The following ANKRD12 variants were observed in gnomAD, a reference collection of about 807,000 sequenced individuals.
ANKRD12 encodes the protein ankyrin repeat domain 12, also known as ankyrin repeat domain-containing protein 12.
Under a neutral mutation model 183.4 loss-of-function variants are expected in ANKRD12, and 85 were observed. That is an observed-to-expected ratio of 0.46 (90% CI 0.39 to 0.56). The LOEUF (loss-of-function observed/expected upper bound fraction) is 0.56. Ranked by LOEUF, ANKRD12 falls within the 20% of genes least tolerant of loss-of-function variation. The pLI is 0.00. For missense variants in ANKRD12, 2,405 were observed against 2,357.1 expected, an observed-to-expected ratio of 1.02 and a Z score of -0.42; for synonymous variants, 914 against 800.2, an observed-to-expected ratio of 1.14 and a Z score of -2.40.
Position 9,185,499 on chromosome 18 carries a change from G to C in ANKRD12, c.87+2980G>C, listed in dbSNP as rs577356198. Among the ~76,000 whole-genome samples, 6 of 152,314 alleles carry C rather than the reference G, an allele frequency of 3.9e-5. No homozygotes were observed. In the South Asian group the frequency reaches 1.2e-3, roughly 32 times the overall value. ...TTCAAGAGAAAGAACAGGTTGTTTT[G>C]AATAAGTTTGCTTTGTACTTGCTGA... On this transcript the variant is annotated intron_variant, in intron 2 of 12. Transcript: ENST00000262126.
chr18:9,235,013 T>C (rs2037263774), intron 8 of ANKRD12, among the ~76,000 whole-genome samples: 1 of 152,208 alleles, frequency 6.6e-6, no homozygotes, highest in Non-Finnish European at 1.5e-5. Context: ...CTGTGACTTC[T>C]CTGTTGGACT....
chr18:9,202,905 C>T (rs2144527969), intron 3 of ANKRD12, among the ~76,000 whole-genome samples: 1 of 152,254 alleles, frequency 6.6e-6, no homozygotes, highest in South Asian at 2.1e-4. Flanking sequence ...AGAGTGGTTG[C>T]TTACTTCCAA....
chr18:9,252,260 G>A (rs114779731), intron 8 of ANKRD12, among the ~76,000 whole-genome samples: 2,681 of 152,296 alleles, frequency 0.018, 80 homozygotes, highest in African/African-American at 0.061. Flanking sequence ...GTAAAGAAAG[G>A]GAAGTGGTCT....
intron 10 of ANKRD12, among the ~76,000 whole-genome samples, chr18:9,269,298 C>G (rs1442549602): frequency 2.6e-5 from 4 of 152,092 alleles, no homozygotes; most frequent in African/African-American, 4.8e-5. Context: ...CCAAAAAAGA[C>G]CTCGCATTGC....
At position 9,182,407 on chromosome 18, in the gene ANKRD12, G is replaced by A; in HGVS notation, c.-26G>A. 1 of 1,526,224 alleles carries A rather than the reference G, an allele frequency of 6.6e-7. No homozygotes were observed. Among genetic ancestry groups the A allele is most frequent in the Non-Finnish European group, 9.0e-7 (1 of 1,109,430 alleles). The allele number at this position is 1,526,224 out of a possible 1,614,324, so 94.5% of individuals were successfully genotyped here. A position where few individuals can be genotyped will look rare whatever the true frequency, so the allele number is the denominator to read the frequency against. On this transcript the variant is annotated 5_prime_UTR_variant, in exon 2 of 13. Coordinates refer to ENST00000262126, the MANE Select transcript of ANKRD12 (RefSeq NM_015208.5). ...ATCCAGGATGAGAAGACTGATAAAA[G>A]AAGAAGCTAGCTGAACAGCTGTAAA...
chr18:9,248,659 G>A (rs2145095472), intron 8 of ANKRD12, among the ~76,000 whole-genome samples: 1 of 152,288 alleles, frequency 6.6e-6, no homozygotes, highest in South Asian at 2.1e-4. Flanking sequence ...TGGTTCCATT[G>A]TATAAAATAA....
intron 9 of ANKRD12, chr18:9,259,818 C>T (rs533586894): frequency 1.2e-4 from 19 of 152,194 alleles, no homozygotes; most frequent in Non-Finnish European, 2.6e-4. Context: ...ATTCATTTCC[C>T]ATCTCTGATC....
chr18:9,258,702 C>A lies in ANKRD12; in HGVS notation c.5435C>A (p.Ser1812Tyr). The change falls in exon 9 of 13, where the codon TCT becomes TAT. Residue 1812 changes from serine to tyrosine, a missense_variant. Coordinates refer to ENST00000262126, the MANE Select transcript of ANKRD12 (RefSeq NM_015208.5). The part of the protein sequence containing the change: ...LLQAKEKTQQ[S>Y]LAAIVDSLKL... ...CAAGCAAAAGAGAAAACTCAGCAAT[C>A]TCTGGCAGCCATTGTAGATTCTCTA... 1 of 1,613,884 alleles carries A rather than the reference C, an allele frequency of 6.2e-7. No individual in the cohort carries two copies. The highest frequency in any genetic ancestry group is 1.1e-5 in the South Asian group (1 of 91,068).
At chr18:9,268,502 CA>C (rs1175536563) in intron 10 of ANKRD12, among the ~76,000 whole-genome samples, 1 of 152,186 alleles carries the variant, frequency 6.6e-6, no homozygotes, top group Non-Finnish European at 1.5e-5. Flanking sequence ...AGCATATAAA[CA>C]AAACCAAAGA....
In ANKRD12 at chr18:9,272,785, C is replaced by G. The variant is rs535335570; in HGVS notation, c.5764-2739C>G. 3.4e-4 allele frequency among the ~76,000 whole-genome samples: 51 copies of G among 152,130 alleles called. No individual in the cohort carries two copies. In the Middle Eastern group the frequency reaches 0.014, roughly 41 times the overall value. On this transcript the variant is annotated intron_variant, in intron 10 of 12. Coordinates refer to ENST00000262126, the MANE Select transcript of ANKRD12 (RefSeq NM_015208.5). The stretch of plus-strand genomic sequence containing the variant: ...GTGTTAGGCCTACCTCTTTGAATAT[C>G]GTTTGTCATATAAGAATTAAGTTAA...
intron 8 of ANKRD12, chr18:9,250,146 A>T (rs1567964432): frequency 6.6e-6 from 1 of 152,206 alleles, no homozygotes; most frequent in African/African-American, 2.4e-5. Flanking sequence ...CAACTAATTG[A>T]TTACAACTAG....
intron 8 of ANKRD12, chr18:9,239,347 A>C (rs543213724): frequency 4.2e-4 from 82 of 194,390 alleles, no homozygotes; most frequent in African/African-American, 1.8e-3. Context: ...AAATTTTCCC[A>C]CGGAAGAAGG....
intron 7 of ANKRD12, among the ~76,000 whole-genome samples, chr18:9,217,729 A>T (rs994925843): frequency 6.6e-6 from 1 of 152,158 alleles, no homozygotes; most frequent in Non-Finnish European, 1.5e-5. Context: ...ATAGCATTTT[A>T]CTACCTTATT....
intron 2 of ANKRD12, among the ~76,000 whole-genome samples, chr18:9,194,343 A>G (rs1409786730): frequency 5.2e-5 from 6 of 114,980 alleles, no homozygotes; most frequent in African/African-American, 7.9e-5. Flanking sequence ...TTATTTATTT[A>G]TTTATTTATT....
At chr18:9,265,294 C>T (rs2039221192) in intron 10 of ANKRD12, among the ~76,000 whole-genome samples, 1 of 152,238 alleles carries the variant, frequency 6.6e-6, no homozygotes, top group Non-Finnish European at 1.5e-5. Flanking sequence ...TCCCAGCACA[C>T]AGCTGGAGAT....
At chr18:9,184,039 A>G (rs2033879274) in intron 2 of ANKRD12, among the ~76,000 whole-genome samples, 1 of 152,174 alleles carries the variant, frequency 6.6e-6, no homozygotes, top group African/African-American at 2.4e-5. Context: ...ACAGGTTGAT[A>G]TTGACACAAT....
chr18:9,139,789 C>T (rs916322867), intron 1 of ANKRD12, among the ~76,000 whole-genome samples: 3 of 152,108 alleles, frequency 2.0e-5, no homozygotes, highest in East Asian at 3.8e-4. Context: ...GAGATTTATC[C>T]TTGGGACAGG....
Position 9,208,787 on chromosome 18 carries a change from A to G in ANKRD12, c.435A>G (p.Ala145=), listed in dbSNP as rs527885254. ...KQMALLMQMT[A]RDNSPDSTPN... ...TGGCACTTCTTATGCAGATGACAGC[A>G]AGAGACAACAGTCCAGGTGATACCT... Residue 145 remains alanine, a synonymous_variant, in exon 5 of 13, where the codon GCA becomes GCG. Coordinates refer to ENST00000262126, the MANE Select transcript of ANKRD12 (RefSeq NM_015208.5). 6.2e-7 allele frequency: 1 copy of G among 1,601,972 alleles called. No individual in the cohort carries two copies. The highest frequency in any genetic ancestry group is 1.1e-5 in the South Asian group (1 of 87,974).
At chr18:9,239,945 A>G (rs2037563951) in intron 8 of ANKRD12, among the ~76,000 whole-genome samples, 1 of 152,216 alleles carries the variant, frequency 6.6e-6, no homozygotes, top group Non-Finnish European at 1.5e-5. Context: ...TAGCCTTTCC[A>G]TTAACTGTTT....
Sources: gnomAD v4.1 joint callset for allele counts (sites outside exome capture counted in the v4.1 genomes callset) on GRCh38, gnomAD v4.1.1 for gene constraint, MANE v1.5 for transcripts, NCBI Gene and HGNC (gene_info 2026-07-23, HGNC 2026-07-21) for gene names.